The following DEUP1 variants were observed in gnomAD, a reference collection of about 807,000 sequenced individuals.
DEUP1 encodes the protein deuterosome assembly protein 1.
Under a neutral mutation model 87.4 loss-of-function variants are expected in DEUP1, and 82 were observed. The observed-to-expected ratio is 0.94, with a 90% CI of 0.78 to 1.13. The LOEUF (loss-of-function observed/expected upper bound fraction) is 1.13. Ranked by LOEUF, DEUP1 falls within the 50% of genes most tolerant of loss-of-function variation. The probability of loss-of-function intolerance (pLI) is 0.00; values close to 1 mark genes in which losing one functional copy is unlikely to be tolerated. For missense variants in DEUP1, 663 were observed against 681.5 expected, an observed-to-expected ratio of 0.97 and a Z score of 0.30; for synonymous variants, 214 against 222.7, an observed-to-expected ratio of 0.96 and a Z score of 0.35.
intron 2 of DEUP1, among the ~76,000 whole-genome samples, chr11:93,335,657 C>G (rs565070216): frequency 1.3e-5 from 2 of 152,238 alleles, no homozygotes; most frequent in Admixed American, 6.5e-5. Flanking sequence ...CAAGTATAAA[C>G]TAATGTTTTC....
At chr11:93,433,827 C>G (rs1249571085) in intron 13 of DEUP1, among the ~76,000 whole-genome samples, 2 of 152,296 alleles carry the variant, frequency 1.3e-5, no homozygotes, top group Middle Eastern at 3.4e-3. Context: ...AGCCTGGTGT[C>G]CCAGGAAGCT....
intron 7 of DEUP1, among the ~76,000 whole-genome samples, chr11:93,384,437 T>C (rs938775952): frequency 2.0e-5 from 3 of 152,246 alleles, no homozygotes; most frequent in Non-Finnish European, 2.9e-5. Context: ...TAGGCAATTC[T>C]CCCAATGTGC....
At chr11:93,407,882 G>A (rs189669582) in intron 11 of DEUP1, among the ~76,000 whole-genome samples, 37 of 148,894 alleles carry the variant, frequency 2.5e-4, no homozygotes, top group Middle Eastern at 3.4e-3. Context: ...GGCAAAAACC[G>A]CAATTACTTC....
chr11:93,402,750 A>C (rs780601273), intron 11 of DEUP1, among the ~76,000 whole-genome samples: 41 of 152,156 alleles, frequency 2.7e-4, no homozygotes, highest in Non-Finnish European at 4.4e-4. Context: ...CATTATGTTA[A>C]GTGAAATAAG....
At chr11:93,370,943 A>G in intron 6 of DEUP1, 95 bp from the exon 7 acceptor site, 3 of 1,092,504 alleles carry the variant, frequency 2.7e-6, no homozygotes, top group Non-Finnish European at 3.9e-6. Flanking sequence ...ATATTTAAAG[A>G]TATTCCTACT....
chr11:93,351,078 G>T, intron 2 of DEUP1, among the ~76,000 whole-genome samples: 1 of 147,630 alleles, frequency 6.8e-6, no homozygotes, highest in South Asian at 2.1e-4. Flanking sequence ...TATTATATAT[G>T]CTTATATATG....
In DEUP1 at chr11:93,408,386, T is replaced by C; in HGVS notation, c.1482T>C (p.Tyr494=). 1.3e-6 allele frequency: 2 copies of C among 1,569,132 alleles called. No individual in the cohort carries two copies. Among genetic ancestry groups the C allele is most frequent in the Non-Finnish European group, 1.7e-6 (2 of 1,156,560 alleles). The change falls in exon 12 of 14, where the codon TAT becomes TAC. Residue 494 remains tyrosine, a synonymous_variant. Transcript: ENST00000298050. ...NQNTYEETGR[Y]AYQSQIKVEQ... is the part of the protein sequence containing the mutation. The stretch of plus-strand genomic sequence containing the variant: ...ACACCTATGAAGAAACAGGAAGATA[T>C]GCCTATCAAAGCCAAATAAAAGTGG...
At chr11:93,379,326 C>G (rs1869914) in intron 7 of DEUP1, among the ~76,000 whole-genome samples, 122,545 of 152,134 alleles carry the variant, frequency 0.81, 49,471 homozygotes, top group East Asian at 0.89. Flanking sequence ...TTTCCTTGAT[C>G]AACTCCACCT....
rs1947760969 is a variant in DEUP1 at position 93,418,978 on chromosome 11, A to G, written c.1638+3864A>G. On this transcript the variant is annotated intron_variant, in intron 13 of 13. Coordinates refer to ENST00000298050, the MANE Select transcript of DEUP1 (RefSeq NM_181645.4). ...ATTCTCACTCATAGGTGGGAATTGAACAATGAGAACACATGGACACAGGAA... is the reference window on the plus strand; with the variant it reads ...ATTCTCACTCATAGGTGGGAATTGAGCAATGAGAACACATGGACACAGGAA... 2.6e-5 allele frequency among the ~76,000 whole-genome samples: 4 copies of G among 151,294 alleles called. No individual in the cohort carries two copies. The South Asian group carries it at 8.5e-4, about 32-fold the overall frequency.
chr11:93,353,209 C>T (rs1318533524), intron 2 of DEUP1, among the ~76,000 whole-genome samples: 1 of 152,194 alleles, frequency 6.6e-6, no homozygotes, highest in African/African-American at 2.4e-5. Flanking sequence ...TTACAGGCCC[C>T]ATGCATGTTT....
intron 8 of DEUP1, among the ~76,000 whole-genome samples, chr11:93,386,138 A>C (rs1946538695): frequency 6.6e-5 from 10 of 152,156 alleles, no homozygotes. Flanking sequence ...TATATTTTTA[A>C]ATGCCTTTGT....
At chr11:93,331,939 GC>G (rs1943510830) in intron 1 of DEUP1, among the ~76,000 whole-genome samples, 1 of 152,162 alleles carries the variant, frequency 6.6e-6, no homozygotes, top group Non-Finnish European at 1.5e-5. Context: ...TACTCAGGAG[GC>G]TGAGGTGGGA....
intron 12 of DEUP1, among the ~76,000 whole-genome samples, chr11:93,414,234 G>A (rs1947532750): frequency 6.6e-6 from 1 of 152,166 alleles, no homozygotes; most frequent in Non-Finnish European, 1.5e-5. Context: ...CTTGTTGGCT[G>A]GGCGCACGGT....
At chr11:93,365,899 G>A (rs1192978408) in intron 5 of DEUP1, among the ~76,000 whole-genome samples, 1 of 152,172 alleles carries the variant, frequency 6.6e-6, no homozygotes, top group Non-Finnish European at 1.5e-5. Flanking sequence ...TTTAATAGAA[G>A]TATAGTAATA....
chr11:93,364,527 T>TAA (rs371675444), intron 5 of DEUP1, among the ~76,000 whole-genome samples: 488 of 147,238 alleles, frequency 3.3e-3, no homozygotes, highest in African/African-American at 0.012. Context: ...TTTGGGAGAT[T>TAA]AAAAAAAAAA....
At chr11:93,427,079 G>C (rs755412790) in intron 13 of DEUP1, among the ~76,000 whole-genome samples, 28 of 131,224 alleles carry the variant, frequency 2.1e-4, no homozygotes, top group South Asian at 8.4e-4. Flanking sequence ...AGTGCCATCC[G>C]CATCAAGCTA....
intron 2 of DEUP1, among the ~76,000 whole-genome samples, chr11:93,338,098 G>C (rs1476982164): frequency 3.3e-5 from 5 of 152,122 alleles, no homozygotes; most frequent in African/African-American, 1.2e-4. Flanking sequence ...TATGTGATGA[G>C]TGCGTTTGTT....
rs755957226 is a variant in DEUP1, at chr11:93,415,051, T to G, written c.1575T>G (p.Pro525=). The part of the protein sequence containing the change: ...PNRSTMPPLP[P]STFQAKEMTS... The stretch of plus-strand genomic sequence containing the variant: ...GAAGTACAATGCCTCCCTTGCCACC[T>G]TCGACATTTCAAGCCAAAGAAATGA... The change falls in exon 13 of 14, where the codon CCT becomes CCG. Residue 525 remains proline, a synonymous_variant. Coordinates refer to ENST00000298050, the MANE Select transcript of DEUP1 (RefSeq NM_181645.4). 1.2e-4 allele frequency: 193 copies of G among 1,607,716 alleles called. 1 individual carries two copies. In the South Asian group the frequency reaches 2.1e-3, roughly 18 times the overall value.
intron 13 of DEUP1, among the ~76,000 whole-genome samples, chr11:93,423,708 A>G (rs1947897106): frequency 2.1e-5 from 1 of 46,644 alleles, no homozygotes; most frequent in Non-Finnish European, 4.9e-5. Context: ...GCTCAACTAC[A>G]TGGAAACTGA....
Sources: allele counts gnomAD v4.1 joint callset (sites outside exome capture counted in the v4.1 genomes callset), GRCh38; gene constraint gnomAD v4.1.1; transcripts MANE v1.5; gene names NCBI Gene and HGNC (gene_info 2026-07-23, HGNC 2026-07-21).